The following SSBP2 variants were observed in gnomAD, a reference collection of about 807,000 sequenced individuals.
SSBP2 encodes single stranded DNA binding protein 2.
SSBP2 carries 17 observed loss-of-function variants against 61.8 expected under a neutral mutation model. The observed-to-expected ratio is 0.28, with a 90% CI of 0.19 to 0.41. SSBP2 has a LOEUF of 0.41. SSBP2 is among the 10% of genes least tolerant of loss of function. The probability of loss-of-function intolerance (pLI) is 1.00; values close to 1 mark genes in which losing one functional copy is unlikely to be tolerated. For missense variants in SSBP2, 310 were observed against 458.7 expected, an observed-to-expected ratio of 0.68 and a Z score of 2.96; for synonymous variants, 139 against 141.3, an observed-to-expected ratio of 0.98 and a Z score of 0.12.
intron 5 of SSBP2, among the ~76,000 whole-genome samples, chr5:81,495,150 A>G (rs1767185235): frequency 6.6e-6 from 1 of 152,082 alleles, no homozygotes; most frequent in Non-Finnish European, 1.5e-5. Flanking sequence ...CTCTTTCTTC[A>G]TATTAGCTAA....
intron 1 of SSBP2, among the ~76,000 whole-genome samples, chr5:81,710,936 A>G (rs939596995): frequency 6.6e-6 from 1 of 152,124 alleles, no homozygotes; most frequent in African/African-American, 2.4e-5. Flanking sequence ...AATTATTTTT[A>G]GCACCTTTAA....
intron 3 of SSBP2, among the ~76,000 whole-genome samples, chr5:81,630,976 A>G (rs1747649098): frequency 6.6e-6 from 1 of 152,220 alleles, no homozygotes; most frequent in African/African-American, 2.4e-5. Flanking sequence ...CTCTTATGCC[A>G]TTTGTAGACT....
At chr5:81,443,243 G>T (rs1458793106) in intron 12 of SSBP2, 6 of 152,100 alleles carry the variant, frequency 3.9e-5, no homozygotes, top group African/African-American at 1.2e-4. Flanking sequence ...TAATTCTCCT[G>T]TTTGAACTAA....
intron 13 of SSBP2, among the ~76,000 whole-genome samples, 173 bp downstream of exon 13, chr5:81,442,479 TA>T (rs1561403466): frequency 1.3e-5 from 2 of 152,108 alleles, no homozygotes; most frequent in Non-Finnish European, 2.9e-5. Context: ...ATCTCTGTTA[TA>T]TATGTTTACT....
Position 81,746,410 on chromosome 5 carries a change from T to G in SSBP2, c.62+4571A>C, listed in dbSNP as rs79042621. On this transcript the variant is annotated intron_variant, in intron 1 of 16. Transcript: ENST00000320672. ...CATTAGTTTTGGAAATCCTGAATTGTGCGAATTGCTGTCAAGTAAGTTTCT... is the reference window on the plus strand; with the variant it reads ...CATTAGTTTTGGAAATCCTGAATTGGGCGAATTGCTGTCAAGTAAGTTTCT... 5.4e-3 allele frequency among the ~76,000 whole-genome samples: 828 copies of G among 152,242 alleles called. 8 individuals carry two copies. Among genetic ancestry groups the G allele is most frequent in the African/African-American group, 0.019 (772 of 41,562 alleles).
chr5:81,591,858 G>A (rs1775530390), intron 4 of SSBP2, among the ~76,000 whole-genome samples: 1 of 151,900 alleles, frequency 6.6e-6, no homozygotes, highest in Non-Finnish European at 1.5e-5. Context: ...GAGAGGAGGA[G>A]CCAAGATGGC....
chr5:81,737,143 T>C (rs186001482), intron 1 of SSBP2, among the ~76,000 whole-genome samples: 6 of 152,246 alleles, frequency 3.9e-5, no homozygotes, highest in African/African-American at 1.4e-4. Flanking sequence ...TTCCTTTCCA[T>C]GTCCCCTGTA....
At chr5:81,602,133 T>C (rs913118512) in intron 4 of SSBP2, among the ~76,000 whole-genome samples, 1 of 152,110 alleles carries the variant, frequency 6.6e-6, no homozygotes, top group African/African-American at 2.4e-5. Context: ...TGAGTCATGC[T>C]TCCTTTTCCA....
intron 4 of SSBP2, among the ~76,000 whole-genome samples, chr5:81,596,988 T>G (rs1036123398): frequency 6.6e-6 from 1 of 151,262 alleles, no homozygotes; most frequent in Non-Finnish European, 1.5e-5. Context: ...AATTGACAAA[T>G]GGGATCTAAT....
At chr5:81,501,563 C>CTTTTTTTTTTTTTTTT (rs71603598) in intron 5 of SSBP2, among the ~76,000 whole-genome samples, 1 of 117,376 alleles carries the variant, frequency 8.5e-6, no homozygotes, top group Non-Finnish European at 1.8e-5. Flanking sequence ...TCTTTCTTTT[C>CTTTTTTTTTTTTTTTT]TTTTTTTTTT....
At chr5:81,593,687 C>T (rs1263783748) in intron 4 of SSBP2, among the ~76,000 whole-genome samples, 1 of 152,196 alleles carries the variant, frequency 6.6e-6, no homozygotes, top group African/African-American at 2.4e-5. Flanking sequence ...GACCAATACT[C>T]AACATTCTTA....
At chr5:81,699,858 T>C (rs947842148) in intron 1 of SSBP2, among the ~76,000 whole-genome samples, 12 of 118,214 alleles carry the variant, frequency 1.0e-4, no homozygotes, top group African/African-American at 1.5e-4. Flanking sequence ...CAATTTCTTT[T>C]TTTTTTTTTT....
At chr5:81,670,673 C>T (rs1751520005) in intron 1 of SSBP2, among the ~76,000 whole-genome samples, 1 of 152,140 alleles carries the variant, frequency 6.6e-6, no homozygotes, top group Non-Finnish European at 1.5e-5. Context: ...ATTTCCTCCT[C>T]GCTTTACCAC....
chr5:81,488,529 G>C (rs933108000), intron 6 of SSBP2, among the ~76,000 whole-genome samples: 1 of 151,936 alleles, frequency 6.6e-6, no homozygotes. Flanking sequence ...ATCTTCTTTG[G>C]AAAACACCAA....
At chr5:81,697,468 T>C (rs1201440391) in intron 1 of SSBP2, among the ~76,000 whole-genome samples, 1 of 152,244 alleles carries the variant, frequency 6.6e-6, no homozygotes. Flanking sequence ...ACTTATAACG[T>C]AGTATTTATT....
chr5:81,553,101 CAT>C (rs1452325735), intron 4 of SSBP2, among the ~76,000 whole-genome samples: 1 of 152,042 alleles, frequency 6.6e-6, no homozygotes, highest in Non-Finnish European at 1.5e-5. Flanking sequence ...GTCCATTGTC[CAT>C]GAGGCCTTGG....
rs1333061353 is a variant in SSBP2, at chr5:81,739,114, G to A, written c.62+11867C>T. On this transcript the variant is annotated intron_variant, in intron 1 of 16. Coordinates refer to ENST00000320672, the MANE Select transcript of SSBP2 (RefSeq NM_012446.5). ...TGGGAGGTGGAGGTTTCGGTGAGCCGAGATCATACCATTGCACTCCAGCCT... is the reference window on the plus strand; with the variant it reads ...TGGGAGGTGGAGGTTTCGGTGAGCCAAGATCATACCATTGCACTCCAGCCT... 2.0e-4 allele frequency among the ~76,000 whole-genome samples: 24 copies of A among 119,140 alleles called. No homozygotes were observed. The Admixed American group carries it at 2.3e-3, about 11-fold the overall frequency. The allele number at this position is 119,140 out of a possible 152,430, so 78.2% of individuals were successfully genotyped here.
At chr5:81,431,585 CTTCT>C (rs1391057064) in intron 15 of SSBP2, among the ~76,000 whole-genome samples, 1 of 151,884 alleles carries the variant, frequency 6.6e-6, no homozygotes, top group Non-Finnish European at 1.5e-5. Context: ...TATTACATAT[CTTCT>C]TCTCTCTTTT....
chr5:81,599,941 C>T (rs1367851371), intron 4 of SSBP2, among the ~76,000 whole-genome samples: 1 of 152,096 alleles, frequency 6.6e-6, no homozygotes, highest in Non-Finnish European at 1.5e-5. Context: ...TGTTAGGGCA[C>T]ATTTTATTGT....
Sources: gnomAD v4.1 joint callset for allele counts (sites outside exome capture counted in the v4.1 genomes callset) on GRCh38, gnomAD v4.1.1 for gene constraint, MANE v1.5 for transcripts, NCBI Gene and HGNC (gene_info 2026-07-23, HGNC 2026-07-21) for gene names.